Variants in CDC5L observed in about 807,000 individuals in gnomAD.
The protein encoded by CDC5L is cell division cycle 5 like.
In CDC5L, 18 loss-of-function variants were observed where a neutral mutation model predicts 104.1. That is an observed-to-expected ratio of 0.17 (90% confidence interval 0.12 to 0.26). CDC5L has a LOEUF of 0.26. CDC5L is among the 10% of genes least tolerant of loss of function. The probability of loss-of-function intolerance (pLI) is 1.00; values close to 1 mark genes in which losing one functional copy is unlikely to be tolerated. For synonymous variants in CDC5L, 331 were observed against 322.7 expected, an observed-to-expected ratio of 1.03 and a Z score of -0.28; for missense variants, 673 against 956.9, an observed-to-expected ratio of 0.70 and a Z score of 3.91.
chr6:44,408,309 C>T (rs1273961720), intron 7 of CDC5L, 135 bp from the exon 8 acceptor site: 4 of 491,722 alleles, frequency 8.1e-6, no homozygotes, highest in Non-Finnish European at 1.4e-5. Flanking sequence ...GCTGTGTTGC[C>T]CAGGTAGGTC....
chr6:44,435,142 G>A (rs1292021940), intron 14 of CDC5L, among the ~76,000 whole-genome samples: 1 of 132,022 alleles, frequency 7.6e-6, no homozygotes, highest in Admixed American at 8.7e-5. Context: ...TTGGATGAAG[G>A]TGTTTAAAAC....
chr6:44,403,759 T>G (rs1791240108), intron 5 of CDC5L, 50 bp from the exon 6 acceptor site: 1 of 1,273,432 alleles, frequency 7.9e-7, no homozygotes, highest in African/African-American at 1.5e-5. Context: ...GGATAATTTA[T>G]CCCTGTCACA....
At chr6:44,443,203 G>A (rs1224785090) in intron 14 of CDC5L, among the ~76,000 whole-genome samples, 1 of 149,284 alleles carries the variant, frequency 6.7e-6, no homozygotes, top group Non-Finnish European at 1.5e-5. Context: ...GGCCTGAAAG[G>A]TTTCTGCTGA....
chr6:44,390,404 A>T, intron 2 of CDC5L, 33 bp downstream of exon 2: 3 of 1,299,128 alleles, frequency 2.3e-6, no homozygotes, highest in Non-Finnish European at 3.3e-6. Context: ...GAAAACAGAA[A>T]AGGAGCTTAA....
chr6:44,412,375 G>A (rs1791684155), intron 8 of CDC5L, among the ~76,000 whole-genome samples: 1 of 151,336 alleles, frequency 6.6e-6, no homozygotes, highest in Admixed American at 6.6e-5. Flanking sequence ...CATGATCACG[G>A]CCACTGTGCC....
chr6:44,394,781 C>T (rs1302051802), intron 4 of CDC5L, among the ~76,000 whole-genome samples: 2 of 141,924 alleles, frequency 1.4e-5, no homozygotes, highest in African/African-American at 2.6e-5. Flanking sequence ...CACTTGAGCC[C>T]GGGAGGCTGG....
At chr6:44,397,503 TA>T (rs1417485797) in intron 5 of CDC5L, among the ~76,000 whole-genome samples, 1 of 152,112 alleles carries the variant, frequency 6.6e-6, no homozygotes, top group Non-Finnish European at 1.5e-5. Flanking sequence ...AAACCATATT[TA>T]AAAAAAATTG....
intron 14 of CDC5L, among the ~76,000 whole-genome samples, chr6:44,444,949 CT>C (rs1793379029): frequency 6.6e-6 from 1 of 152,172 alleles, no homozygotes; most frequent in African/African-American, 2.4e-5. Context: ...CAGAAGGCTA[CT>C]TTTGCACTGT....
At chr6:44,442,366 G>GTATGT (rs1793235276) in intron 14 of CDC5L, among the ~76,000 whole-genome samples, 1 of 146,514 alleles carries the variant, frequency 6.8e-6, no homozygotes, top group African/African-American at 2.6e-5. Context: ...GCTTGTGTGT[G>GTATGT]TGTGTATGTT....
chr6:44,440,900 G>A (rs1469752626), intron 14 of CDC5L, among the ~76,000 whole-genome samples: 1 of 151,876 alleles, frequency 6.6e-6, no homozygotes, highest in Admixed American at 6.6e-5. Context: ...TAGAGATGGC[G>A]TTTCACCATC....
At chr6:44,421,984 A>C (rs1312786076) in intron 9 of CDC5L, among the ~76,000 whole-genome samples, 1 of 152,194 alleles carries the variant, frequency 6.6e-6, no homozygotes, top group African/African-American at 2.4e-5. Context: ...GTCTGGCAGC[A>C]TCACCGTTCT....
chr6:44,396,149 G>A (rs1001332066), intron 4 of CDC5L, among the ~76,000 whole-genome samples, 192 bp from the exon 5 acceptor site: 3 of 152,220 alleles, frequency 2.0e-5, no homozygotes, highest in Admixed American at 6.5e-5. Flanking sequence ...TAGCTAGCAA[G>A]TGGTGGGCCT....
chr6:44,400,343 G>T (rs1159283580), intron 5 of CDC5L, among the ~76,000 whole-genome samples: 2 of 152,182 alleles, frequency 1.3e-5, no homozygotes, highest in African/African-American at 4.8e-5. Flanking sequence ...TACTCCCCCA[G>T]CCTTCATTTA....
chr6:44,393,361 A>T, intron 3 of CDC5L, 85 bp from the exon 4 acceptor site: 1 of 1,330,456 alleles, frequency 7.5e-7, no homozygotes, highest in Non-Finnish European at 1.0e-6. Context: ...TTTGGGGGGA[A>T]AAATATCGTC....
In CDC5L at chr6:44,449,018, A is replaced by C. The variant is rs1358844467; in HGVS notation, c.*2307A>C. 6.6e-6 allele frequency: 1 copy of C among 152,126 alleles called. No individual in the cohort carries two copies. Among genetic ancestry groups the C allele is most frequent in the Non-Finnish European group, 1.5e-5 (1 of 68,018 alleles). 9.4% of individuals were successfully genotyped at this position (152,126 alleles called of 1,614,324 possible). On this transcript the variant is annotated 3_prime_UTR_variant, in exon 16 of 16. Coordinates refer to ENST00000371477, the MANE Select transcript of CDC5L (RefSeq NM_001253.4). ...TTTTCCCACATTAAATCATCTTTGC[A>C]CTCCTGGAATCAGGTAGATTAATTT...
At position 44,403,531 on chromosome 6, in the gene CDC5L, C is replaced by G. The variant is rs139722187; in HGVS notation, c.540-278C>G. ...AAAGCTGTTGATTTTTTTCATTTGC[C>G]ATTTATTTAATTTATATTTAGTAAG... On this transcript the variant is annotated intron_variant, in intron 5 of 15. Coordinates refer to ENST00000371477, the MANE Select transcript of CDC5L (RefSeq NM_001253.4). Among the ~76,000 whole-genome samples the G allele has an allele frequency of 3.9e-5, 6 of 151,966 alleles. No individual in the cohort carries two copies. In the East Asian group the frequency reaches 1.2e-3, roughly 29 times the overall value.
At chr6:44,428,858 A>G (rs1470804021) in intron 13 of CDC5L, among the ~76,000 whole-genome samples, 2 of 152,142 alleles carry the variant, frequency 1.3e-5, no homozygotes, top group Non-Finnish European at 2.9e-5. Context: ...AAAGATGCCT[A>G]GCTCCCCTTT....
intron 9 of CDC5L, among the ~76,000 whole-genome samples, chr6:44,420,937 G>C (rs866068443): frequency 6.6e-6 from 1 of 152,178 alleles, no homozygotes; most frequent in Middle Eastern, 3.4e-3. Context: ...CTCCTCCCTT[G>C]TATCTTTAAA....
chr6:44,392,914 A>G, intron 3 of CDC5L, 86 bp downstream of exon 3: 1 of 1,235,936 alleles, frequency 8.1e-7, no homozygotes. Flanking sequence ...CTGTCTTTAA[A>G]CTTTTAATTA....
Sources: gnomAD v4.1 joint callset for allele counts (sites outside exome capture counted in the v4.1 genomes callset) on GRCh38, gnomAD v4.1.1 for gene constraint, MANE v1.5 for transcripts, NCBI Gene and HGNC (gene_info 2026-07-23, HGNC 2026-07-21) for gene names.